Variants in TBCD observed in about 807,000 individuals in gnomAD.
The protein encoded by TBCD is tubulin-specific chaperone D.
In TBCD, 105 loss-of-function variants were observed where a neutral mutation model predicts 169.3. The observed-to-expected ratio is 0.62, with a 90% CI of 0.53 to 0.73. The LOEUF (loss-of-function observed/expected upper bound fraction) is 0.73. TBCD is among the 30% of genes least tolerant of loss of function. The pLI, the probability that TBCD is intolerant of heterozygous loss-of-function variation, is 0.00. For synonymous variants in TBCD, 700 were observed against 643.9 expected (o/e 1.09, Z -1.32); for missense variants, 1,444 against 1,600.1 (o/e 0.90, Z 1.66).
At chr17:82,942,070 G>T in intron 38 of TBCD, 1 of 365,608 alleles carries the variant, frequency 2.7e-6, no homozygotes. Context: ...TGGGGGCAGT[G>T]GGGATGGGCT....
At chr17:82,775,837 C>T (rs1013979780) in intron 6 of TBCD, among the ~76,000 whole-genome samples, 1 of 151,824 alleles carries the variant, frequency 6.6e-6, no homozygotes, top group Non-Finnish European at 1.5e-5. Flanking sequence ...CACATGTATA[C>T]GTATGTAACT....
rs1050192077 is a variant in TBCD at position 82,926,731 on chromosome 17, G to A, written c.2471+240G>A. On this transcript the variant is annotated intron_variant, in intron 28 of 38. Transcript: ENST00000355528. ...GGCCCCTTGGAGAATTGGAGAATGT[G>A]TCCTGGCCCAAGGTTGGCAAAGAGG... The A allele has an allele frequency of 2.8e-5, 16 of 575,610 alleles. No individual in the cohort carries two copies. The Admixed American group carries it at 3.5e-4, about 12-fold the overall frequency. The allele number at this position is 575,610 out of a possible 1,614,324, so 35.7% of individuals were successfully genotyped here.
rs757949726 is a variant in TBCD, at chr17:82,874,715, C to T, written c.1475+4335C>T. Among the ~76,000 whole-genome samples the T allele has an allele frequency of 1.3e-5, 2 of 152,216 alleles. No homozygotes were observed. The highest frequency in any genetic ancestry group is 6.5e-5 in the Admixed American group (1 of 15,278). On this transcript the variant is annotated intron_variant, in intron 14 of 38. Transcript: ENST00000355528. This position sits in a 1 kb window ranked among gnomAD's most constrained non-coding sequence, Gnocchi z 5.0. The stretch of plus-strand genomic sequence containing the variant: ...TGTGAGTCAGGCTGCACCAGGTGAG[C>T]GTGTGGGATGCTGCTGGTGCGAGCC...
chr17:82,927,749 C>A (rs1268803907), intron 29 of TBCD, among the ~76,000 whole-genome samples, 156 bp from the exon 30 acceptor site: 1 of 152,218 alleles, frequency 6.6e-6, no homozygotes, highest in East Asian at 1.9e-4. Context: ...CACAGGGAAC[C>A]TCTGCAGGCC....
At chr17:82,797,257 C>T (rs1463449536) in intron 7 of TBCD, among the ~76,000 whole-genome samples, 1 of 152,104 alleles carries the variant, frequency 6.6e-6, no homozygotes, top group Non-Finnish European at 1.5e-5. Flanking sequence ...TCGTGGGGAC[C>T]GGGCTGCCAG....
intron 1 of TBCD, among the ~76,000 whole-genome samples, chr17:82,755,082 C>A (rs552336348): frequency 2.0e-5 from 3 of 152,286 alleles, no homozygotes; most frequent in Non-Finnish European, 2.9e-5. Context: ...ACATTGGTCT[C>A]GTCAGGGAAG....
rs1203191489 is a variant in TBCD at position 82,884,050 on chromosome 17, C to T, written c.1476-95C>T. On this transcript the variant is annotated intron_variant, in intron 14 of 38. Coordinates refer to ENST00000355528, the MANE Select transcript of TBCD (RefSeq NM_005993.5). The surrounding 1 kb of genome is among the most constrained non-coding windows in gnomAD (Gnocchi z 4.2). Reference sequence around the variant, plus strand: ...GGGGCATGTCTGAACCTCAAGTGGGCCTGAGTCGTGAGAGAAAGGCTTTCT... The same window carrying T: ...GGGGCATGTCTGAACCTCAAGTGGGTCTGAGTCGTGAGAGAAAGGCTTTCT... 6 of 1,237,358 alleles carry T rather than the reference C, an allele frequency of 4.8e-6. No individual in the cohort carries two copies. Among genetic ancestry groups the T allele is most frequent in the Non-Finnish European group, 5.8e-6 (5 of 868,802 alleles). The allele number at this position is 1,237,358 out of a possible 1,614,324, so 76.6% of individuals were successfully genotyped here.
At chr17:82,805,734 C>T in intron 9 of TBCD, 141 bp from the exon 10 acceptor site, 1 of 982,846 alleles carries the variant, frequency 1.0e-6, no homozygotes, top group East Asian at 2.6e-5. Context: ...TCCAGGTTCT[C>T]CCTTCTTATC....
intron 18 of TBCD, among the ~76,000 whole-genome samples, chr17:82,901,249 G>A (rs1458779609): frequency 3.3e-5 from 5 of 152,246 alleles, no homozygotes; most frequent in Admixed American, 6.5e-5. Context: ...TAAACAGCGC[G>A]TTAGTGCTGT....
Position 82,915,853 on chromosome 17 carries a change from CG to C in TBCD, c.2038+4068del. On this transcript the variant is annotated intron_variant, in intron 23 of 38. Coordinates refer to ENST00000355528, the MANE Select transcript of TBCD (RefSeq NM_005993.5). The surrounding 1 kb of genome is among the most constrained non-coding windows in gnomAD (Gnocchi z 4.3). ...TGTGGAGGATCGTGACTTAGCAAGCCGGGGACACGCTGTTAATGGACTTCCT... is the reference window on the plus strand; with the variant it reads ...TGTGGAGGATCGTGACTTAGCAAGCCGGGACACGCTGTTAATGGACTTCCT... Among the ~76,000 whole-genome samples, 1 of 152,252 alleles carries C rather than the reference CG, an allele frequency of 6.6e-6. No homozygotes were observed. The highest frequency in any genetic ancestry group is 2.1e-4 in the South Asian group (1 of 4,828).
At chr17:82,937,228 T>C (rs746516445) in intron 34 of TBCD, 43 bp from the exon 35 acceptor site, 1 of 1,582,442 alleles carries the variant, frequency 6.3e-7, no homozygotes, top group South Asian at 1.1e-5. Context: ...ATCCCGGGGC[T>C]GCCTGTGAAA....
intron 13 of TBCD, among the ~76,000 whole-genome samples, chr17:82,829,011 A>C (rs1441290551): frequency 2.7e-5 from 3 of 109,144 alleles, no homozygotes; most frequent in South Asian, 3.2e-4. Flanking sequence ...ACGTGTACAC[A>C]CCCCCGCAGA....
In TBCD at chr17:82,831,796, T is replaced by C. The variant is rs770577278; in HGVS notation, c.1318+16862T>C. 8 of 1,613,982 alleles carry C rather than the reference T, an allele frequency of 5.0e-6. No individual in the cohort carries two copies. In the South Asian group the frequency reaches 7.7e-5, roughly 16 times the overall value. ...AAGCCCCTTTGTAGATGAGATTTTA[T>C]GTGGAAACTCTGGTGGAAGGAAAGG... On this transcript the variant is annotated intron_variant, in intron 13 of 38. Transcript: ENST00000355528. The surrounding 1 kb of genome is among the most constrained non-coding windows in gnomAD (Gnocchi z 4.6).
chr17:82,797,395 C>T lies in TBCD; in HGVS notation c.772-362C>T, dbSNP rs117049198. Among the ~76,000 whole-genome samples the T allele has an allele frequency of 9.9e-3, 1,506 of 152,280 alleles. 8 individuals carry two copies. The highest frequency in any genetic ancestry group is 0.016 in the Non-Finnish European group (1,084 of 68,022). On this transcript the variant is annotated intron_variant, in intron 7 of 38. Coordinates refer to ENST00000355528, the MANE Select transcript of TBCD (RefSeq NM_005993.5). ...TTTATCCTTTGTAACTTTATTTATA[C>T]GCAGATAATTTTTAAAAACCTACTG...
chr17:82,934,129 G>A (rs925932356), intron 34 of TBCD, among the ~76,000 whole-genome samples: 2 of 152,170 alleles, frequency 1.3e-5, no homozygotes, highest in East Asian at 1.9e-4. Flanking sequence ...AGTCCTCAGC[G>A]GCCCCCAGGA....
Position 82,909,328 on chromosome 17 carries a change from G to A in TBCD, c.2006+21G>A, listed in dbSNP as rs758293229. 17 of 1,521,910 alleles carry A rather than the reference G, an allele frequency of 1.1e-5. No homozygotes were observed. In the Admixed American group the frequency reaches 3.3e-4, roughly 30 times the overall value. 94.3% of individuals were successfully genotyped at this position (1,521,910 alleles called of 1,614,324 possible). A position where few individuals can be genotyped will look rare whatever the true frequency, so the allele number is the denominator to read the frequency against. On this transcript the variant is annotated intron_variant, in intron 22 of 38. Coordinates refer to ENST00000355528, the MANE Select transcript of TBCD (RefSeq NM_005993.5). ...TACAGGTGAGCTTTACAAAACCAAA[G>A]TTCTTATATCTGTGTCCTAATGAAG... is the stretch of plus-strand genomic sequence containing the variant.
chr17:82,834,192 C>T (rs1899800781), intron 13 of TBCD, among the ~76,000 whole-genome samples: 1 of 152,142 alleles, frequency 6.6e-6, no homozygotes, highest in African/African-American at 2.4e-5. Flanking sequence ...AGGTGATCCA[C>T]CTGCCTTAGC....
intron 18 of TBCD, among the ~76,000 whole-genome samples, chr17:82,902,414 A>G (rs981227811): frequency 7.2e-4 from 109 of 152,250 alleles, no homozygotes; most frequent in African/African-American, 2.6e-3. Context: ...TGCAGACTGC[A>G]TTGCCTCCGC....
chr17:82,938,651 C>G (rs1440680033), intron 36 of TBCD, among the ~76,000 whole-genome samples: 1 of 152,246 alleles, frequency 6.6e-6, no homozygotes, highest in Non-Finnish European at 1.5e-5. Context: ...GCTCTTGGGC[C>G]CTGTGCTGCC....
Sources: allele counts gnomAD v4.1 joint callset (sites outside exome capture counted in the v4.1 genomes callset), GRCh38; gene constraint gnomAD v4.1.1; non-coding constraint Gnocchi (gnomAD v3.1); transcripts MANE v1.5; gene names NCBI Gene and HGNC (gene_info 2026-07-23, HGNC 2026-07-21).